RTN1: variants seen among roughly 807,000 people sequenced by gnomAD.
RTN1 encodes the protein reticulon-1.
Under a neutral mutation model 65.5 loss-of-function variants are expected in RTN1, and 25 were observed. That is an observed-to-expected ratio of 0.38 (90% confidence interval 0.28 to 0.53). RTN1 has a LOEUF of 0.53. RTN1 is among the 20% of genes least tolerant of loss of function. The pLI is 0.79. For missense variants in RTN1, 983 were observed against 1,025.4 expected, an observed-to-expected ratio of 0.96 and a Z score of 0.57; for synonymous variants, 471 against 447.6, an observed-to-expected ratio of 1.05 and a Z score of -0.66.
chr14:59,755,797 G>A (rs1043746715), intron 1 of RTN1, among the ~76,000 whole-genome samples: 1 of 152,126 alleles, frequency 6.6e-6, no homozygotes, highest in African/African-American at 2.4e-5. Flanking sequence ...TATCTGTATG[G>A]TTAGTTAAGA....
intron 1 of RTN1, among the ~76,000 whole-genome samples, chr14:59,782,090 G>A (rs1269234105): frequency 6.6e-6 from 1 of 152,132 alleles, no homozygotes; most frequent in East Asian, 1.9e-4. Context: ...CACAATGTGA[G>A]GATGCAGTGA....
chr14:59,747,729 T>C (rs924183587), intron 1 of RTN1, among the ~76,000 whole-genome samples: 6 of 152,220 alleles, frequency 3.9e-5, no homozygotes, highest in Admixed American at 2.0e-4. Context: ...CGTCACTATA[T>C]GCTAAGCAGT....
At chr14:59,835,261 C>T (rs1026533941) in intron 1 of RTN1, among the ~76,000 whole-genome samples, 6 of 151,624 alleles carry the variant, frequency 4.0e-5, no homozygotes, top group Non-Finnish European at 4.4e-5. Context: ...AAAAAAATAG[C>T]ATATATGGTA....
chr14:59,728,825 T>C (rs200860196), intron 2 of RTN1, among the ~76,000 whole-genome samples: 1 of 152,244 alleles, frequency 6.6e-6, no homozygotes, highest in Non-Finnish European at 1.5e-5. Context: ...GAACCTAATA[T>C]GTGTTAGGCC....
intron 3 of RTN1, among the ~76,000 whole-genome samples, chr14:59,685,738 A>G (rs983553750): frequency 6.6e-6 from 1 of 152,166 alleles, no homozygotes; most frequent in African/African-American, 2.4e-5. Flanking sequence ...TGTCCATCCT[A>G]CCCAAAAGCA....
Position 59,870,314 on chromosome 14 carries a change from A to C in RTN1, c.241+76T>G. On this transcript the variant is annotated intron_variant, in intron 1 of 8. Coordinates refer to ENST00000267484, the MANE Select transcript of RTN1 (RefSeq NM_021136.3). The surrounding 1 kb of genome is among the most constrained non-coding windows in gnomAD (Gnocchi z 5.1). ...AGAAAGCGCGAGGCAGGTGCCCAGG[A>C]GAGCCGCGCAGAAGGGGACTGACTG... The C allele has an allele frequency of 7.5e-7, 1 of 1,341,010 alleles. No homozygotes were observed. Among genetic ancestry groups the C allele is most frequent in the Non-Finnish European group, 9.6e-7 (1 of 1,045,152 alleles). 83.1% of individuals were successfully genotyped at this position (1,341,010 alleles called of 1,614,324 possible).
intron 3 of RTN1, among the ~76,000 whole-genome samples, chr14:59,664,745 G>A (rs905523146): frequency 2.0e-5 from 3 of 151,916 alleles, no homozygotes; most frequent in Non-Finnish European, 2.9e-5. Context: ...ACCATGTATT[G>A]TTTCATCATT....
chr14:59,665,865 G>T (rs892576632), intron 3 of RTN1, among the ~76,000 whole-genome samples: 4 of 152,122 alleles, frequency 2.6e-5, no homozygotes, highest in African/African-American at 7.2e-5. Flanking sequence ...TAATGGTAAA[G>T]GGATCAACGC....
Position 59,603,847 on chromosome 14 carries a change from C to A in RTN1, c.2182+5G>T. 6.2e-7 allele frequency: 1 copy of A among 1,610,390 alleles called. No homozygotes were observed. Among genetic ancestry groups the A allele is most frequent in the South Asian group, 1.1e-5 (1 of 90,994 alleles). ...GAAGACGTATACAGTCTTATCTGCTCTTACCCATGAGCAGCAGGGTCAGGC... is the reference window on the plus strand; with the variant it reads ...GAAGACGTATACAGTCTTATCTGCTATTACCCATGAGCAGCAGGGTCAGGC... On this transcript the variant is annotated splice_donor_5th_base_variant and intron_variant, in intron 6 of 8. Coordinates refer to ENST00000267484, the MANE Select transcript of RTN1 (RefSeq NM_021136.3).
chr14:59,755,187 A>G (rs1294649723), intron 1 of RTN1, among the ~76,000 whole-genome samples: 1 of 152,188 alleles, frequency 6.6e-6, no homozygotes, highest in Non-Finnish European at 1.5e-5. Context: ...AAAAAAAACA[A>G]CAAATTATAC....
At chr14:59,772,710 G>A (rs561566936) in intron 1 of RTN1, among the ~76,000 whole-genome samples, 3 of 152,136 alleles carry the variant, frequency 2.0e-5, no homozygotes, top group Admixed American at 6.5e-5. Flanking sequence ...AGATGAACGA[G>A]GCTCATAGTC....
chr14:59,617,669 A>G (rs1882141018), intron 3 of RTN1, among the ~76,000 whole-genome samples: 1 of 152,228 alleles, frequency 6.6e-6, no homozygotes, highest in African/African-American at 2.4e-5. Flanking sequence ...GAGGGTTAGA[A>G]GCAAATCTTT....
chr14:59,793,933 A>C (rs1351624775), intron 1 of RTN1, among the ~76,000 whole-genome samples: 2 of 152,144 alleles, frequency 1.3e-5, no homozygotes, highest in African/African-American at 4.8e-5. Context: ...CCTGTAACAC[A>C]TAAGGCCCCA....
chr14:59,814,609 G>C (rs558117914), intron 1 of RTN1, among the ~76,000 whole-genome samples: 2 of 152,148 alleles, frequency 1.3e-5, no homozygotes, highest in Non-Finnish European at 2.9e-5. Context: ...AGTGTATCTG[G>C]TCATCTATGG....
At chr14:59,755,675 A>G (rs1056986981) in intron 1 of RTN1, among the ~76,000 whole-genome samples, 4 of 152,208 alleles carry the variant, frequency 2.6e-5, no homozygotes, top group African/African-American at 9.6e-5. Flanking sequence ...GAGAGACTCT[A>G]GGAACCTCTA....
At position 59,825,868 on chromosome 14, in the gene RTN1, A is replaced by T. The variant is rs1887022443; in HGVS notation, c.241+44522T>A. 6.6e-6 allele frequency among the ~76,000 whole-genome samples: 1 copy of T among 152,246 alleles called. No individual in the cohort carries two copies. The highest frequency in any genetic ancestry group is 2.4e-5 in the African/African-American group (1 of 41,460). ...CAGACCAGGAGCCTATAACCTCGTT[A>T]CAGGCCACTCACTCCAGGAATGGTG... On this transcript the variant is annotated intron_variant, in intron 1 of 8. Transcript: ENST00000267484. The surrounding 1 kb of genome is among the most constrained non-coding windows in gnomAD (Gnocchi z 4.2).
rs1315803287 is a variant in RTN1, at chr14:59,790,316, G to A, written c.242-43835C>T. ...ACACACCTCTAGGAAAAAAGTAGTG[G>A]GAAATATGGCAACACATTGATAGCA... is the stretch of plus-strand genomic sequence containing the variant. On this transcript the variant is annotated intron_variant, in intron 1 of 8. Coordinates refer to ENST00000267484, the MANE Select transcript of RTN1 (RefSeq NM_021136.3). The surrounding 1 kb of genome is among the most constrained non-coding windows in gnomAD (Gnocchi z 4.1). Among the ~76,000 whole-genome samples, 1 of 151,572 alleles carries A rather than the reference G, an allele frequency of 6.6e-6. No homozygotes were observed. Among genetic ancestry groups the A allele is most frequent in the Non-Finnish European group, 1.5e-5 (1 of 67,846 alleles).
chr14:59,762,519 G>T (rs529256798), intron 1 of RTN1, among the ~76,000 whole-genome samples: 20 of 152,266 alleles, frequency 1.3e-4, no homozygotes, highest in African/African-American at 4.6e-4. Flanking sequence ...GCAGAACTCA[G>T]ATTTAGGGCA....
Position 59,603,226 on chromosome 14 carries a change from A to T in RTN1, c.2215T>A (p.Tyr739Asn). 2.5e-6 allele frequency: 4 copies of T among 1,613,526 alleles called. No homozygotes were observed. The highest frequency in any genetic ancestry group is 3.4e-6 in the Non-Finnish European group (4 of 1,179,724). ...ATAGAACTTACCTGGTGCTTAACAT[A>T]CACTACAGGTAGAGTAAACATTGAA... ...VVSMFTLPVV[Y>N]VKHQAQIDQY... The change falls in exon 7 of 9, where the codon TAT becomes AAT. Residue 739 changes from tyrosine (Y) to asparagine (N), a missense_variant. Physicochemically the swap from Tyr to Asn is moderately radical, Grantham distance 143. Coordinates refer to ENST00000267484, the MANE Select transcript of RTN1 (RefSeq NM_021136.3).
Sources: allele counts gnomAD v4.1 joint callset (sites outside exome capture counted in the v4.1 genomes callset), GRCh38; gene constraint gnomAD v4.1.1; non-coding constraint Gnocchi (gnomAD v3.1); transcripts MANE v1.5; gene names NCBI Gene and HGNC (gene_info 2026-07-23, HGNC 2026-07-21).